The following DZANK1 variants were observed in gnomAD, a reference collection of about 807,000 sequenced individuals.
DZANK1 encodes the protein double zinc ribbon and ankyrin repeat domains 1, also known as double zinc ribbon and ankyrin repeat-containing protein 1.
DZANK1 carries 91 observed loss-of-function variants against 94.5 expected under a neutral mutation model. That is an observed-to-expected ratio of 0.96 (90% CI 0.81 to 1.15). DZANK1 has a LOEUF of 1.15. Ranked by LOEUF, DZANK1 falls within the 50% of genes most tolerant of loss-of-function variation. The pLI, the probability that DZANK1 is intolerant of heterozygous loss-of-function variation, is 0.00. For missense variants in DZANK1, 903 were observed against 916.4 expected, an observed-to-expected ratio of 0.99 and a Z score of 0.19; for synonymous variants, 312 against 325.3, an observed-to-expected ratio of 0.96 and a Z score of 0.44.
intron 1 of DZANK1, 122 bp downstream of exon 1, chr20:18,466,874 G>A (rs2059676383): frequency 6.6e-6 from 1 of 152,438 alleles, no homozygotes; most frequent in Admixed American, 6.5e-5. Context: ...GCATCCTTTC[G>A]GCTGGAGTAA....
At chr20:18,447,135 C>A (rs2058906596) in intron 7 of DZANK1, among the ~76,000 whole-genome samples, 1 of 152,118 alleles carries the variant, frequency 6.6e-6, no homozygotes, top group Non-Finnish European at 1.5e-5. Flanking sequence ...AACATCTATT[C>A]CTGATTTTAA....
chr20:18,437,247 T>C (rs1601027863), intron 8 of DZANK1, among the ~76,000 whole-genome samples: 1 of 152,218 alleles, frequency 6.6e-6, no homozygotes, highest in East Asian at 1.9e-4. Context: ...ACATAAAAGA[T>C]AAAGAAAGGA....
intron 7 of DZANK1, 27 bp downstream of exon 7, chr20:18,448,957 G>A (rs2148724851): frequency 6.4e-7 from 1 of 1,561,770 alleles, no homozygotes; most frequent in Non-Finnish European, 8.8e-7. Context: ...AGGATTTAAG[G>A]CAGAGTAAAG....
rs185342634 is a variant in DZANK1 at position 18,459,010 on chromosome 20, A to G, written c.263+1143T>C. The stretch of plus-strand genomic sequence containing the variant: ...CACAGAGCAGAATGGTGAGAGGCAT[A>G]AAGAATGACCTTATTTTTTACTCTC... On this transcript the variant is annotated intron_variant, in intron 3 of 20. Transcript: ENST00000262547. Among the ~76,000 whole-genome samples, 1,235 of 152,370 alleles carry G rather than the reference A, an allele frequency of 8.1e-3. 17 individuals are homozygous for G. The highest frequency in any genetic ancestry group is 0.011 in the Non-Finnish European group (751 of 68,032).
intron 1 of DZANK1, among the ~76,000 whole-genome samples, chr20:18,466,095 A>C (rs1049492064): frequency 1.3e-5 from 2 of 152,230 alleles, no homozygotes; most frequent in African/African-American, 4.8e-5. Flanking sequence ...AGGTTGTCAT[A>C]ATTAATGCAC....
chr20:18,422,908 G>A (rs950300957), intron 10 of DZANK1, among the ~76,000 whole-genome samples: 1 of 146,338 alleles, frequency 6.8e-6, no homozygotes, highest in Admixed American at 7.0e-5. Flanking sequence ...GCAAAATTTT[G>A]ATAGGGATTG....
intron 13 of DZANK1, among the ~76,000 whole-genome samples, chr20:18,401,942 G>A (rs2056706059): frequency 6.6e-6 from 1 of 152,186 alleles, no homozygotes; most frequent in African/African-American, 2.4e-5. Context: ...GGAGGGATGT[G>A]AGGAGTGATT....
intron 2 of DZANK1, among the ~76,000 whole-genome samples, chr20:18,462,678 A>G (rs2059510204): frequency 6.6e-6 from 1 of 152,204 alleles, no homozygotes; most frequent in Non-Finnish European, 1.5e-5. Flanking sequence ...CACTGTGGAA[A>G]GCAGCTTGGA....
chr20:18,451,309 G>C (rs916051082), intron 6 of DZANK1, among the ~76,000 whole-genome samples: 1 of 152,182 alleles, frequency 6.6e-6, no homozygotes, highest in African/African-American at 2.4e-5. Flanking sequence ...ATTTCCAATT[G>C]TCTGTCTTTA....
At chr20:18,396,083 G>A (rs1439641464) in intron 15 of DZANK1, among the ~76,000 whole-genome samples, 2 of 152,170 alleles carry the variant, frequency 1.3e-5, no homozygotes, top group African/African-American at 4.8e-5. Context: ...CTGTGGCAAT[G>A]CCCCCGTCAC....
intron 2 of DZANK1, among the ~76,000 whole-genome samples, chr20:18,462,152 T>C (rs1275931407): frequency 1.3e-5 from 2 of 152,232 alleles, no homozygotes; most frequent in South Asian, 2.1e-4. Context: ...TGAATACCTA[T>C]TATGTACCAG....
chr20:18,416,974 C>T (rs1473049455), intron 10 of DZANK1, among the ~76,000 whole-genome samples: 1 of 145,664 alleles, frequency 6.9e-6, no homozygotes, highest in African/African-American at 2.5e-5. Flanking sequence ...CATAACATTG[C>T]TTTAAAGAAA....
chr20:18,430,103 G>A (rs1214420816), intron 9 of DZANK1, among the ~76,000 whole-genome samples: 2 of 151,472 alleles, frequency 1.3e-5, no homozygotes, highest in East Asian at 1.9e-4. Context: ...GTTGGAAGAG[G>A]AGAACAATTT....
intron 12 of DZANK1, among the ~76,000 whole-genome samples, chr20:18,414,090 T>A (rs906350150): frequency 3.9e-5 from 6 of 152,212 alleles, no homozygotes; most frequent in Non-Finnish European, 5.9e-5. Flanking sequence ...GTTCTCAGAA[T>A]GCTACATAAG....
At chr20:18,410,618 C>A (rs6045385) in intron 13 of DZANK1, among the ~76,000 whole-genome samples, 107,429 of 151,350 alleles carry the variant, frequency 0.71, 38,981 homozygotes, top group South Asian at 0.8. Context: ...ATTTAAAAAA[C>A]AAACAAACAG....
intron 7 of DZANK1, 35 bp downstream of exon 7, chr20:18,448,949 G>A (rs1298422105): frequency 2.0e-6 from 3 of 1,531,460 alleles, no homozygotes; most frequent in South Asian, 2.3e-5. Context: ...ATCTTTGTAG[G>A]ATTTAAGGCA....
Position 18,465,391 on chromosome 20 carries a change from T to C in DZANK1, c.-19-14A>G, listed in dbSNP as rs749383298. The C allele has an allele frequency of 1.6e-5, 18 of 1,123,634 alleles. No individual in the cohort carries two copies. Among genetic ancestry groups the C allele is most frequent in the South Asian group, 1.1e-4 (6 of 55,724 alleles). 69.6% of individuals were successfully genotyped at this position (1,123,634 alleles called of 1,614,324 possible). A position where few individuals can be genotyped will look rare whatever the true frequency, so the allele number is the denominator to read the frequency against. On this transcript the variant is annotated splice_polypyrimidine_tract_variant and intron_variant, in intron 1 of 20. Transcript: ENST00000262547. ...CTCTCTCTCTCTCTCTATATATATA[T>C]ACATATAAATTCCAATGTACACAAA...
intron 6 of DZANK1, 127 bp downstream of exon 6, chr20:18,452,488 T>C (rs1446444573): frequency 1.8e-6 from 2 of 1,119,022 alleles, no homozygotes; most frequent in Admixed American, 3.1e-5. Flanking sequence ...AGTACAGTAT[T>C]CCCAGCACTA....
intron 10 of DZANK1, chr20:18,420,473 A>T (rs1012566810): frequency 6.1e-6 from 1 of 164,710 alleles, no homozygotes; most frequent in Non-Finnish European, 1.3e-5. Flanking sequence ...GATCCTTCGG[A>T]TGATGGCCTA....
Sources: allele counts gnomAD v4.1 joint callset (sites outside exome capture counted in the v4.1 genomes callset), GRCh38; gene constraint gnomAD v4.1.1; transcripts MANE v1.5; gene names NCBI Gene and HGNC (gene_info 2026-07-23, HGNC 2026-07-21).